The following DCAF10 variants were observed in gnomAD, a reference collection of about 807,000 sequenced individuals.
The protein encoded by DCAF10 is DDB1 and CUL4 associated factor 10.
A neutral mutation model predicts 51.9 loss-of-function variants in DCAF10; 19 were observed. The ratio of observed to expected loss-of-function variants is 0.37; its 90% CI spans 0.26 to 0.54. The LOEUF is 0.54. Ranked by LOEUF, DCAF10 falls within the 20% of genes least tolerant of loss-of-function variation. DCAF10 has a pLI of 0.87. For synonymous variants in DCAF10, 291 were observed against 297.1 expected (o/e 0.98, Z 0.21); for missense variants, 510 against 730.6 (o/e 0.70, Z 3.48).
In DCAF10 at chr9:37,852,766, C is replaced by G. The variant is rs572437116; in HGVS notation, c.852-2014C>G. 4.5e-4 allele frequency among the ~76,000 whole-genome samples: 68 copies of G among 152,076 alleles called. 1 individual carries two copies. Among genetic ancestry groups the G allele is most frequent in the Non-Finnish European group, 8.1e-4 (55 of 67,988 alleles). ...CTCTACTAAAAATGTGAAAAATTAG[C>G]TGGATGTGGTGGCAGGTGCCTGTAA... On this transcript the variant is annotated intron_variant, in intron 3 of 6. Coordinates refer to ENST00000377724, the MANE Select transcript of DCAF10 (RefSeq NM_024345.5).
At chr9:37,809,036 A>T (rs1829248111) in intron 1 of DCAF10, among the ~76,000 whole-genome samples, 1 of 149,088 alleles carries the variant, frequency 6.7e-6, no homozygotes, top group Non-Finnish European at 1.5e-5. Context: ...TGAGCTTCAG[A>T]GTTTGAGGTT....
intron 5 of DCAF10, chr9:37,858,636 AG>A (rs2118189128): frequency 6.6e-6 from 1 of 152,270 alleles, no homozygotes; most frequent in South Asian, 2.1e-4. Flanking sequence ...GTGAAAAGAG[AG>A]GGAAAACATG....
intron 1 of DCAF10, among the ~76,000 whole-genome samples, chr9:37,818,609 A>T (rs1829616320): frequency 6.6e-6 from 1 of 152,236 alleles, no homozygotes; most frequent in Admixed American, 6.5e-5. Context: ...AAAAACCATG[A>T]AGGAAAAGAC....
intron 2 of DCAF10, among the ~76,000 whole-genome samples, chr9:37,831,116 G>A (rs541840399): frequency 3.9e-5 from 6 of 152,222 alleles, no homozygotes; most frequent in East Asian, 3.9e-4. Flanking sequence ...CCAGCTACTC[G>A]GGAGGCAGGA....
intron 2 of DCAF10, among the ~76,000 whole-genome samples, chr9:37,821,927 A>G (rs1564030675): frequency 6.6e-6 from 1 of 152,158 alleles, no homozygotes; most frequent in Non-Finnish European, 1.5e-5. Context: ...AAAAACAACA[A>G]TCAATCCCAT....
intron 2 of DCAF10, chr9:37,836,193 T>TA: frequency 6.8e-7 from 1 of 1,473,332 alleles, no homozygotes; most frequent in Non-Finnish European, 9.5e-7. Context: ...CGGAGTTCAG[T>TA]ATGAAATGAG....
chr9:37,851,320 C>G (rs1830644126), intron 3 of DCAF10, among the ~76,000 whole-genome samples: 1 of 151,984 alleles, frequency 6.6e-6, no homozygotes, highest in Admixed American at 6.5e-5. Flanking sequence ...GTACCTGGGA[C>G]CACAGGTGTG....
rs188933688 is a variant in DCAF10 at position 37,801,370 on chromosome 9, C to T, written c.504C>T (p.His168=). The T allele has an allele frequency of 2.1e-5, 32 of 1,545,606 alleles. No individual in the cohort carries two copies. In the Admixed American group the frequency reaches 4.1e-4, roughly 20 times the overall value. ...CGGTGTACCTCAGCACCCGCACCCA[C>T]GGCGCCGTCTTCAACCTCGAGTACT... The part of the protein sequence containing the change: ...ADSVYLSTRT[H]GAVFNLEYSP... Residue 168 remains histidine, a synonymous_variant, in exon 1 of 7, where the codon CAC becomes CAT. Coordinates refer to ENST00000377724, the MANE Select transcript of DCAF10 (RefSeq NM_024345.5). The surrounding 1 kb of genome is among the most constrained non-coding windows in gnomAD (Gnocchi z 5.5).
At chr9:37,828,072 G>A (rs1043729668) in intron 2 of DCAF10, among the ~76,000 whole-genome samples, 1 of 152,040 alleles carries the variant, frequency 6.6e-6, no homozygotes, top group Admixed American at 6.6e-5. Flanking sequence ...TCTTTTTGTA[G>A]AGACAGGGTC....
intron 3 of DCAF10, among the ~76,000 whole-genome samples, chr9:37,850,840 A>ATG (rs1424212311): frequency 0.011 from 252 of 22,420 alleles, 2 homozygotes; most frequent in South Asian, 0.018. Flanking sequence ...ATATATATAT[A>ATG]TATATATATA....
At chr9:37,851,498 T>A (rs967089786) in intron 3 of DCAF10, among the ~76,000 whole-genome samples, 1 of 146,090 alleles carries the variant, frequency 6.8e-6, no homozygotes, top group Admixed American at 6.8e-5. Flanking sequence ...AATTTTAAAA[T>A]AAAGGGCATA....
At chr9:37,820,257 AAAC>A (rs2119058552) in intron 2 of DCAF10, among the ~76,000 whole-genome samples, 1 of 152,354 alleles carries the variant, frequency 6.6e-6, no homozygotes, top group African/African-American at 2.4e-5. Flanking sequence ...CCAGGTTCTG[AAAC>A]AACATAAACA....
At position 37,823,311 on chromosome 9, in the gene DCAF10, A is replaced by G. The variant is rs1037590388; in HGVS notation, c.653+3910A>G. On this transcript the variant is annotated intron_variant, in intron 2 of 6. Transcript: ENST00000377724. ...AATAAAGATAAATCTGCATCTAGAC[A>G]GGTTGTGGTGAAACTCTAGAATACC... Among the ~76,000 whole-genome samples, 178 of 152,346 alleles carry G rather than the reference A, an allele frequency of 1.2e-3. 2 individuals carry two copies. Among genetic ancestry groups the G allele is most frequent in the Non-Finnish European group, 2.9e-4 (20 of 68,032 alleles).
chr9:37,822,719 C>T (rs1376280450), intron 2 of DCAF10, among the ~76,000 whole-genome samples: 1 of 151,980 alleles, frequency 6.6e-6, no homozygotes, highest in Non-Finnish European at 1.5e-5. Flanking sequence ...ATGGGTGCAC[C>T]AGGGTCTCAC....
intron 2 of DCAF10, among the ~76,000 whole-genome samples, chr9:37,838,416 CTACATTAAAAAAAACT>C (rs956674301): frequency 1.3e-5 from 2 of 149,820 alleles, no homozygotes; most frequent in Admixed American, 1.3e-4. Flanking sequence ...AACAATTTGG[CTACATTAAAAAAAACT>C]TACATTAAAA....
chr9:37,837,052 T>C (rs1830186880), intron 2 of DCAF10, among the ~76,000 whole-genome samples: 1 of 152,196 alleles, frequency 6.6e-6, no homozygotes, highest in Non-Finnish European at 1.5e-5. Context: ...AAGAAATTAC[T>C]AGTTGTATTA....
Position 37,819,276 on chromosome 9 carries a change from A to T in DCAF10, c.540-12A>T. The T allele has an allele frequency of 6.2e-7, 1 of 1,602,672 alleles. No individual in the cohort carries two copies. The highest frequency in any genetic ancestry group is 8.5e-7 in the Non-Finnish European group (1 of 1,171,670). ...GAAAACTAAACAAGATAAATGTGTC[A>T]TTTGCTTTCAGGTCAGTGCTGACAG... is the stretch of plus-strand genomic sequence containing the variant. On this transcript the variant is annotated splice_polypyrimidine_tract_variant and intron_variant, in intron 1 of 6. Transcript: ENST00000377724.
chr9:37,857,066 A>T (rs1277913992), intron 4 of DCAF10, among the ~76,000 whole-genome samples, 175 bp from the exon 5 acceptor site: 1 of 152,188 alleles, frequency 6.6e-6, no homozygotes, highest in African/African-American at 2.4e-5. Context: ...TCAGAAAGGG[A>T]CTAGATCTTA....
In DCAF10 at chr9:37,829,598, C is replaced by T. The variant is rs200416197; in HGVS notation, c.653+10197C>T. 4.1e-4 allele frequency among the ~76,000 whole-genome samples: 62 copies of T among 152,094 alleles called. No homozygotes were observed. The highest frequency in any genetic ancestry group is 2.9e-3 in the East Asian group (15 of 5,184). On this transcript the variant is annotated intron_variant, in intron 2 of 6. Transcript: ENST00000377724. This position sits in a 1 kb window ranked among gnomAD's most constrained non-coding sequence, Gnocchi z 4.2. Reference sequence around the variant, plus strand: ...AAATACTTGCTATTTCTCTCGGCAGCGAAACGTTGAGAAATAGGCACTCTT... The same window carrying T: ...AAATACTTGCTATTTCTCTCGGCAGTGAAACGTTGAGAAATAGGCACTCTT...
Sources: allele counts gnomAD v4.1 joint callset (sites outside exome capture counted in the v4.1 genomes callset), GRCh38; gene constraint gnomAD v4.1.1; non-coding constraint Gnocchi (gnomAD v3.1); transcripts MANE v1.5; gene names NCBI Gene and HGNC (gene_info 2026-07-23, HGNC 2026-07-21).